FBXL20: variants seen among roughly 807,000 people sequenced by gnomAD.
FBXL20 encodes F-box/LRR-repeat protein 20.
FBXL20 carries 11 observed loss-of-function variants against 64.0 expected under a neutral mutation model. The ratio of observed to expected loss-of-function variants is 0.17; its 90% CI spans 0.11 to 0.28. The LOEUF (loss-of-function observed/expected upper bound fraction) is 0.28, where lower values mean the gene tolerates loss of function less well. Among genes scored for constraint, FBXL20 ranks in the 10% least tolerant of loss-of-function variants. FBXL20 has a pLI of 1.00. For synonymous variants in FBXL20, 184 were observed against 189.0 expected (o/e 0.97, Z 0.22); for missense variants, 303 against 526.2 (o/e 0.58, Z 4.15).
intron 1 of FBXL20, among the ~76,000 whole-genome samples, chr17:39,386,223 C>G (rs2048078544): frequency 1.3e-5 from 2 of 152,062 alleles, no homozygotes; most frequent in East Asian, 3.9e-4. Flanking sequence ...AGGAGAATCT[C>G]TTGAACCTGG....
chr17:39,370,256 C>T (rs1173200410), intron 1 of FBXL20, among the ~76,000 whole-genome samples: 2 of 151,298 alleles, frequency 1.3e-5, no homozygotes, highest in Non-Finnish European at 2.9e-5. Flanking sequence ...TTTGGGAGGC[C>T]GGGGCGGGCG....
At chr17:39,321,783 A>AC (rs1202791323) in intron 2 of FBXL20, among the ~76,000 whole-genome samples, 2 of 150,860 alleles carry the variant, frequency 1.3e-5, no homozygotes, top group South Asian at 2.1e-4. Flanking sequence ...TCTGTCTCAA[A>AC]AAAAAAAAAA....
chr17:39,329,680 T>A (rs1358920007), intron 2 of FBXL20, among the ~76,000 whole-genome samples: 1 of 151,986 alleles, frequency 6.6e-6, no homozygotes, highest in African/African-American at 2.4e-5. Context: ...CTATAACTTA[T>A]CTCTAATGGT....
intron 9 of FBXL20, 127 bp from the exon 10 acceptor site, chr17:39,275,227 G>T: frequency 1.0e-6 from 1 of 967,414 alleles, no homozygotes; most frequent in Non-Finnish European, 1.5e-6. Flanking sequence ...ACATTCATCA[G>T]ATAGCAGACC....
intron 7 of FBXL20, 84 bp from the exon 8 acceptor site, chr17:39,282,939 A>G: frequency 1.3e-6 from 2 of 1,494,326 alleles, no homozygotes; most frequent in South Asian, 2.3e-5. Context: ...GCTATTTAGT[A>G]AAGGAATGGA....
intron 1 of FBXL20, among the ~76,000 whole-genome samples, chr17:39,364,898 G>A (rs1366784203): frequency 1.3e-5 from 2 of 152,168 alleles, no homozygotes; most frequent in East Asian, 1.9e-4. Flanking sequence ...TGGCAGGACC[G>A]TCAGGCTGCA....
At chr17:39,378,316 A>T (rs953061918) in intron 1 of FBXL20, among the ~76,000 whole-genome samples, 2 of 152,190 alleles carry the variant, frequency 1.3e-5, no homozygotes, top group African/African-American at 4.8e-5. Flanking sequence ...TAACCCAATT[A>T]AAAAATGGGC....
chr17:39,304,762 TTTTTTGTTG>T (rs2047166680), intron 2 of FBXL20, among the ~76,000 whole-genome samples: 1 of 152,004 alleles, frequency 6.6e-6, no homozygotes, highest in African/African-American at 2.4e-5. Flanking sequence ...CAGCTAATTT[TTTTTTGTTG>T]TTGTTGTTCT....
intron 2 of FBXL20, among the ~76,000 whole-genome samples, chr17:39,315,365 G>T (rs748388123): frequency 9.1e-5 from 13 of 143,148 alleles, no homozygotes; most frequent in African/African-American, 1.4e-4. Context: ...CAGGAGGGAA[G>T]ATTATTAATG....
intron 2 of FBXL20, among the ~76,000 whole-genome samples, chr17:39,309,935 G>C (rs188337456): frequency 1.1e-4 from 16 of 151,506 alleles, no homozygotes; most frequent in Non-Finnish European, 8.8e-5. Context: ...GACAGATTGA[G>C]ACTGAGCCCA....
chr17:39,303,892 C>T (rs972090188), intron 2 of FBXL20, among the ~76,000 whole-genome samples: 11 of 152,042 alleles, frequency 7.2e-5, no homozygotes, highest in Non-Finnish European at 1.2e-4. Context: ...CACCATGTTG[C>T]CCAGGCTGGT....
intron 6 of FBXL20, among the ~76,000 whole-genome samples, chr17:39,286,909 C>CTTTTTTT (rs35221372): frequency 7.9e-5 from 9 of 114,554 alleles, no homozygotes; most frequent in Non-Finnish European, 1.4e-4. Context: ...GTATCTATTT[C>CTTTTTTT]TTTTTTTTTT....
chr17:39,265,515 G>T, intron 12 of FBXL20, 62 bp from the exon 13 acceptor site: 1 of 1,209,782 alleles, frequency 8.3e-7, no homozygotes, highest in Non-Finnish European at 1.2e-6. Context: ...AGTCATACCT[G>T]ATTCTTTTTT....
At chr17:39,329,201 C>G (rs922657116) in intron 2 of FBXL20, among the ~76,000 whole-genome samples, 1 of 152,176 alleles carries the variant, frequency 6.6e-6, no homozygotes, top group East Asian at 1.9e-4. Flanking sequence ...AGAGGACAAA[C>G]AGACATCCTA....
intron 6 of FBXL20, among the ~76,000 whole-genome samples, chr17:39,286,047 T>A (rs1393548097): frequency 6.6e-6 from 1 of 152,220 alleles, no homozygotes; most frequent in Non-Finnish European, 1.5e-5. Context: ...ATACAAAGGA[T>A]GGACTGGTCT....
chr17:39,339,906 A>G (rs1597807347), intron 2 of FBXL20, among the ~76,000 whole-genome samples: 1 of 151,672 alleles, frequency 6.6e-6, no homozygotes, highest in Non-Finnish European at 1.5e-5. Context: ...TCAGCCTCCC[A>G]AAGTGCTGGG....
chr17:39,293,621 G>C (rs1257982954), intron 6 of FBXL20, among the ~76,000 whole-genome samples: 1 of 152,056 alleles, frequency 6.6e-6, no homozygotes, highest in Non-Finnish European at 1.5e-5. Flanking sequence ...AGTCTTTATT[G>C]AATGTCCCAG....
chr17:39,271,373 G>A (rs1353379115), intron 10 of FBXL20, among the ~76,000 whole-genome samples: 8 of 151,750 alleles, frequency 5.3e-5, no homozygotes, highest in Admixed American at 6.6e-5. Context: ...CGAGGTGGGC[G>A]GATCACCTGA....
chr17:39,275,221 T>A, intron 9 of FBXL20, 121 bp from the exon 10 acceptor site: 1 of 1,019,760 alleles, frequency 9.8e-7, no homozygotes, highest in South Asian at 1.8e-5. Context: ...CTTAACACAT[T>A]CATCAGATAG....
Sources: gnomAD v4.1 joint callset for allele counts (sites outside exome capture counted in the v4.1 genomes callset) on GRCh38, gnomAD v4.1.1 for gene constraint, MANE v1.5 for transcripts, NCBI Gene and HGNC (gene_info 2026-07-23, HGNC 2026-07-21) for gene names.